Variants in ADAM12 observed in about 807,000 individuals in gnomAD.
ADAM12 encodes ADAM metallopeptidase domain 12.
A neutral mutation model predicts 106.4 loss-of-function variants in ADAM12; 70 were observed. The observed-to-expected ratio is 0.66, with a 90% CI of 0.54 to 0.80. ADAM12 has a LOEUF of 0.80. Among genes scored for constraint, ADAM12 ranks in the 30% least tolerant of loss-of-function variants. The pLI is 0.00. For synonymous variants in ADAM12, 420 were observed against 433.5 expected, an observed-to-expected ratio of 0.97 and a Z score of 0.39; for missense variants, 1,010 against 1,171.9, an observed-to-expected ratio of 0.86 and a Z score of 2.02.
chr10:126,206,477 T>A (rs1040243187), intron 3 of ADAM12, among the ~76,000 whole-genome samples: 1 of 152,150 alleles, frequency 6.6e-6, no homozygotes, highest in East Asian at 1.9e-4. Flanking sequence ...ATTAAGTTAA[T>A]CATAATATCC....
At chr10:126,026,303 G>T (rs145328082) in intron 21 of ADAM12, among the ~76,000 whole-genome samples, 175 of 152,276 alleles carry the variant, frequency 1.1e-3, no homozygotes, top group African/African-American at 4.0e-3. Flanking sequence ...AAATATGTGT[G>T]CATCTTATAC....
chr10:126,100,608 G>A (rs986709824), intron 9 of ADAM12, among the ~76,000 whole-genome samples: 5 of 151,844 alleles, frequency 3.3e-5, no homozygotes, highest in Admixed American at 6.6e-5. Flanking sequence ...TCAGCTACTC[G>A]GGAGGTTGAG....
chr10:126,328,855 T>C (rs1183787989), intron 2 of ADAM12, among the ~76,000 whole-genome samples: 2 of 152,188 alleles, frequency 1.3e-5, no homozygotes, highest in Non-Finnish European at 2.9e-5. Context: ...TAAAAGATGA[T>C]GCTTGTGACC....
chr10:126,141,879 T>G (rs978006120), intron 4 of ADAM12, among the ~76,000 whole-genome samples: 1 of 152,244 alleles, frequency 6.6e-6, no homozygotes, highest in African/African-American at 2.4e-5. Flanking sequence ...CCAAACTATC[T>G]TGATTAAGTG....
At chr10:126,105,451 G>C (rs1955747603) in intron 8 of ADAM12, among the ~76,000 whole-genome samples, 1 of 152,164 alleles carries the variant, frequency 6.6e-6, no homozygotes, top group Non-Finnish European at 1.5e-5. Context: ...TGGGGCAATG[G>C]TCCAACTCGC....
chr10:126,167,831 T>C (rs1166445317), intron 3 of ADAM12, among the ~76,000 whole-genome samples: 2 of 152,094 alleles, frequency 1.3e-5, no homozygotes, highest in Non-Finnish European at 2.9e-5. Flanking sequence ...AACTGGTGAG[T>C]CTTTAAATCT....
intron 2 of ADAM12, among the ~76,000 whole-genome samples, chr10:126,286,282 C>G (rs527323511): frequency 6.6e-6 from 1 of 152,134 alleles, no homozygotes; most frequent in East Asian, 1.9e-4. Context: ...GGCAGCAGGT[C>G]TGGCAGGCAG....
At chr10:126,231,362 A>C (rs746108561) in intron 3 of ADAM12, among the ~76,000 whole-genome samples, 4 of 151,534 alleles carry the variant, frequency 2.6e-5, no homozygotes, top group Non-Finnish European at 4.4e-5. Flanking sequence ...GAGGGAGGAA[A>C]TAAGGCAACA....
intron 8 of ADAM12, 98 bp downstream of exon 8, chr10:126,108,495 C>T: frequency 9.0e-7 from 1 of 1,112,002 alleles, no homozygotes. Context: ...GGCCCAGAGG[C>T]AGAACCTCAT....
chr10:126,343,326 A>G (rs1012626104), intron 1 of ADAM12, among the ~76,000 whole-genome samples: 3 of 151,976 alleles, frequency 2.0e-5, no homozygotes, highest in Admixed American at 6.6e-5. Flanking sequence ...ATGATTTCCA[A>G]TTTCATCCAT....
chr10:126,133,453 C>T (rs992658291), intron 5 of ADAM12, among the ~76,000 whole-genome samples: 2 of 152,138 alleles, frequency 1.3e-5, no homozygotes, highest in Non-Finnish European at 2.9e-5. Flanking sequence ...AAAGGTCTCT[C>T]GACTCTCACA....
At chr10:126,181,498 C>T (rs1026393350) in intron 3 of ADAM12, among the ~76,000 whole-genome samples, 2 of 152,136 alleles carry the variant, frequency 1.3e-5, no homozygotes, top group Non-Finnish European at 2.9e-5. Context: ...GTGATTATTA[C>T]TATTTCATAA....
At chr10:126,037,452 G>A (rs747813960) in intron 20 of ADAM12, among the ~76,000 whole-genome samples, 12 of 152,056 alleles carry the variant, frequency 7.9e-5, no homozygotes, top group Admixed American at 1.3e-4. Flanking sequence ...CACCCTTTGC[G>A]TTTTTTGGAT....
chr10:126,378,571 T>C (rs914194828), intron 1 of ADAM12, among the ~76,000 whole-genome samples: 3 of 152,106 alleles, frequency 2.0e-5, no homozygotes, highest in African/African-American at 7.2e-5. Context: ...ATTAGGGGTA[T>C]GTGTGTGTGT....
chr10:126,221,676 C>T (rs182512993), intron 3 of ADAM12, among the ~76,000 whole-genome samples: 5 of 152,256 alleles, frequency 3.3e-5, no homozygotes, highest in Admixed American at 6.5e-5. Context: ...TTGTTCGCAT[C>T]CAACACCGAG....
chr10:126,279,086 C>T (rs891899381), intron 2 of ADAM12, 98 bp from the exon 3 acceptor site: 26 of 881,158 alleles, frequency 3.0e-5, no homozygotes, highest in East Asian at 1.3e-4. Context: ...AGGGAATAAA[C>T]GATGCGGTCA....
intron 3 of ADAM12, among the ~76,000 whole-genome samples, chr10:126,159,998 T>C (rs1386098703): frequency 6.6e-6 from 1 of 152,230 alleles, no homozygotes; most frequent in African/African-American, 2.4e-5. Flanking sequence ...GCTGAGGCAC[T>C]AAATGATATG....
chr10:126,173,838 C>T (rs1335291192), intron 3 of ADAM12, among the ~76,000 whole-genome samples: 1 of 151,806 alleles, frequency 6.6e-6, no homozygotes, highest in East Asian at 1.9e-4. Flanking sequence ...CCACCTCAGG[C>T]CAAGGGAGTC....
chr10:126,314,558 G>A (rs1056259973), intron 2 of ADAM12, among the ~76,000 whole-genome samples: 7 of 152,232 alleles, frequency 4.6e-5, no homozygotes, highest in East Asian at 1.9e-4. Flanking sequence ...CAAGAGATAC[G>A]ACATGGACAT....
Sources: gnomAD v4.1 joint callset for allele counts (sites outside exome capture counted in the v4.1 genomes callset) on GRCh38, gnomAD v4.1.1 for gene constraint, MANE v1.5 for transcripts, NCBI Gene and HGNC (gene_info 2026-07-23, HGNC 2026-07-21) for gene names.